ADCK1: variants seen among roughly 807,000 people sequenced by gnomAD.
ADCK1 encodes aarF domain-containing protein kinase 1.
In ADCK1, 41 loss-of-function variants were observed where a neutral mutation model predicts 52.3. The observed-to-expected ratio is 0.78, with a 90% CI of 0.61 to 1.02. ADCK1 has a LOEUF of 1.02. ADCK1 is among the 50% of genes least tolerant of loss of function. ADCK1 has a pLI of 0.00. For missense variants in ADCK1, 658 were observed against 679.5 expected (o/e 0.97, Z 0.35); for synonymous variants, 250 against 274.6 (o/e 0.91, Z 0.89).
At chr14:77,828,529 AT>A (rs1322058436) in intron 3 of ADCK1, among the ~76,000 whole-genome samples, 1 of 152,012 alleles carries the variant, frequency 6.6e-6, no homozygotes, top group Non-Finnish European at 1.5e-5. Context: ...TCCCCTAGTT[AT>A]TTAATTATTG....
In ADCK1 at chr14:77,925,969, G is replaced by T. The variant is rs748031056; in HGVS notation, c.1206+8G>T. Reference sequence around the variant, plus strand: ...CCCGTCACTGCCACTGAGGTAGGGGGCCCCTCCAGGCCCTGCCTCTTCCTA... The same window carrying T: ...CCCGTCACTGCCACTGAGGTAGGGGTCCCCTCCAGGCCCTGCCTCTTCCTA... On this transcript the variant is annotated splice_region_variant and intron_variant, in intron 9 of 10. Coordinates refer to ENST00000238561, the MANE Select transcript of ADCK1 (RefSeq NM_020421.4). The T allele has an allele frequency of 3.1e-6, 5 of 1,613,524 alleles. No individual in the cohort carries two copies. In the Admixed American group the frequency reaches 8.3e-5, roughly 27 times the overall value.
intron 5 of ADCK1, among the ~76,000 whole-genome samples, chr14:77,890,927 G>A (rs912846503): frequency 3.3e-5 from 5 of 152,184 alleles, no homozygotes; most frequent in African/African-American, 1.2e-4. Context: ...ATTCAGCAGA[G>A]AGAAGTAATT....
At chr14:77,895,460 T>C (rs982189902) in intron 5 of ADCK1, among the ~76,000 whole-genome samples, 3 of 152,238 alleles carry the variant, frequency 2.0e-5, no homozygotes, top group African/African-American at 7.2e-5. Context: ...CTGTGGAGTG[T>C]TGAGTAGGTG....
At chr14:77,860,644 G>C (rs1050419022) in intron 4 of ADCK1, among the ~76,000 whole-genome samples, 12 of 152,184 alleles carry the variant, frequency 7.9e-5, no homozygotes, top group African/African-American at 2.9e-4. Context: ...AACTGTGGCT[G>C]GAGTCAGGGA....
intron 1 of ADCK1, among the ~76,000 whole-genome samples, chr14:77,812,359 C>T (rs912037065): frequency 6.6e-6 from 1 of 151,934 alleles, no homozygotes; most frequent in Non-Finnish European, 1.5e-5. Context: ...CTTTAGATTC[C>T]ACCTAAGAGT....
intron 5 of ADCK1, among the ~76,000 whole-genome samples, chr14:77,894,279 T>A (rs985681580): frequency 6.6e-6 from 1 of 152,208 alleles, no homozygotes; most frequent in Non-Finnish European, 1.5e-5. Context: ...CACTCTGAAC[T>A]GATTTTCGAT....
Position 77,859,124 on chromosome 14 carries a change from C to T in ADCK1, c.268C>T (p.Arg90Trp), listed in dbSNP as rs374671690. 2.2e-5 allele frequency: 36 copies of T among 1,612,846 alleles called. No individual in the cohort carries two copies. Among genetic ancestry groups the T allele is most frequent in the Admixed American group, 5.0e-5 (3 of 59,948 alleles). ...TCTCTGTGAGCTCTGCTGTGCCAACCGGGGCACCTTCATCAAGGTGGGCCA... is the reference window on the plus strand; with the variant it reads ...TCTCTGTGAGCTCTGCTGTGCCAACTGGGGCACCTTCATCAAGGTGGGCCA... ...RRLCELCCAN[R>W]GTFIKVGQHL... The change falls in exon 4 of 11, where the codon CGG becomes TGG. Residue 90 changes from arginine (R) to tryptophan (W), a missense_variant. Coordinates refer to ENST00000238561, the MANE Select transcript of ADCK1 (RefSeq NM_020421.4).
chr14:77,899,683 T>C (rs911524616), intron 6 of ADCK1, among the ~76,000 whole-genome samples: 1 of 152,164 alleles, frequency 6.6e-6, no homozygotes, highest in Non-Finnish European at 1.5e-5. Context: ...ACAAAACATA[T>C]GTGTCCCTAG....
chr14:77,852,663 A>AAATATATATATATATTATATATATATAT (rs1566667072), intron 3 of ADCK1, among the ~76,000 whole-genome samples: 1 of 87,588 alleles, frequency 1.1e-5, no homozygotes, highest in Non-Finnish European at 2.0e-5. Context: ...ATAAATAAAT[A>AAATATATATATATATTATATATATATAT]TATATATATA....
intron 1 of ADCK1, among the ~76,000 whole-genome samples, chr14:77,804,302 A>C (rs192270909): frequency 1.2e-3 from 190 of 152,308 alleles, no homozygotes; most frequent in Non-Finnish European, 1.9e-3. Context: ...GGTCTTTTAC[A>C]ATACCCCGAG....
chr14:77,860,232 C>T (rs1231716057), intron 4 of ADCK1, among the ~76,000 whole-genome samples: 2 of 152,346 alleles, frequency 1.3e-5, no homozygotes, highest in Non-Finnish European at 2.9e-5. Flanking sequence ...CCCTGCAAGT[C>T]ATAGTCTTTG....
chr14:77,925,039 G>A (rs751831909), intron 8 of ADCK1, among the ~76,000 whole-genome samples: 3 of 152,184 alleles, frequency 2.0e-5, no homozygotes, highest in Non-Finnish European at 4.4e-5. Flanking sequence ...GCCTCAGACT[G>A]TGTCCTCAGG....
In ADCK1 at chr14:77,920,755, C is replaced by A. The variant is rs371295588; in HGVS notation, c.859-3702C>A. 1.2e-4 allele frequency among the ~76,000 whole-genome samples: 18 copies of A among 152,188 alleles called. No homozygotes were observed. In the East Asian group the frequency reaches 2.1e-3, roughly 18 times the overall value. Reference sequence around the variant, plus strand: ...CCTGAAACTCCTGGGCTCAAGTGATCCTTCTGCCTTAGCCACCCAAAGTAG... The same window carrying A: ...CCTGAAACTCCTGGGCTCAAGTGATACTTCTGCCTTAGCCACCCAAAGTAG... On this transcript the variant is annotated intron_variant, in intron 7 of 10. Coordinates refer to ENST00000238561, the MANE Select transcript of ADCK1 (RefSeq NM_020421.4).
At chr14:77,922,745 G>T (rs1383608295) in intron 7 of ADCK1, among the ~76,000 whole-genome samples, 1 of 152,162 alleles carries the variant, frequency 6.6e-6, no homozygotes, top group Non-Finnish European at 1.5e-5. Flanking sequence ...AAACCTTGAT[G>T]AATCAGTTTC....
chr14:77,832,618 C>T (rs1228180804), intron 3 of ADCK1, among the ~76,000 whole-genome samples: 1 of 152,178 alleles, frequency 6.6e-6, no homozygotes, highest in African/African-American at 2.4e-5. Context: ...CCCTGAAGTT[C>T]CTTTACTCAT....
At chr14:77,809,231 A>C (rs80225823) in intron 1 of ADCK1, among the ~76,000 whole-genome samples, 3,319 of 152,234 alleles carry the variant, frequency 0.022, 119 homozygotes, top group African/African-American at 0.076. Flanking sequence ...CAGAGTAAAG[A>C]TTAGATGGGA....
intron 7 of ADCK1, 43 bp from the exon 8 acceptor site, chr14:77,924,414 T>C (rs2084134799): frequency 6.2e-7 from 1 of 1,608,534 alleles, no homozygotes; most frequent in African/African-American, 1.3e-5. Context: ...CTCGGATAGA[T>C]GTGAGTGGAG....
chr14:77,827,456 CTTT>C (rs61564212), intron 3 of ADCK1, among the ~76,000 whole-genome samples: 1 of 148,554 alleles, frequency 6.7e-6, no homozygotes, highest in Non-Finnish European at 1.5e-5. Context: ...CCAGGAAATT[CTTT>C]TTTTTTTGCC....
intron 8 of ADCK1, among the ~76,000 whole-genome samples, chr14:77,925,057 T>A (rs2084157313): frequency 6.6e-6 from 1 of 152,172 alleles, no homozygotes; most frequent in South Asian, 2.1e-4. Flanking sequence ...AGGATGCAGA[T>A]CTGGTTCAAA....
Sources: gnomAD v4.1 joint callset for allele counts (sites outside exome capture counted in the v4.1 genomes callset) on GRCh38, gnomAD v4.1.1 for gene constraint, MANE v1.5 for transcripts, NCBI Gene and HGNC (gene_info 2026-07-23, HGNC 2026-07-21) for gene names.